Variants in FGGY observed in about 807,000 individuals in gnomAD.
The protein encoded by FGGY is FGGY carbohydrate kinase domain-containing protein.
In FGGY, 72 loss-of-function variants were observed where a neutral mutation model predicts 71.3. The ratio of observed to expected loss-of-function variants is 1.01; its 90% CI spans 0.84 to 1.23. The LOEUF is 1.23. Among genes scored for constraint, FGGY ranks in the 50% most tolerant of loss-of-function variants. FGGY has a pLI of 0.00. For synonymous variants in FGGY, 251 were observed against 250.3 expected, an observed-to-expected ratio of 1.00 and a Z score of -0.02; for missense variants, 668 against 682.3, an observed-to-expected ratio of 0.98 and a Z score of 0.23.
intron 8 of FGGY, among the ~76,000 whole-genome samples, chr1:59,588,601 C>T (rs977161232): frequency 3.9e-5 from 6 of 152,156 alleles, no homozygotes; most frequent in African/African-American, 1.4e-4. Flanking sequence ...TTGGCAGAAA[C>T]CCTACAAGCC....
At chr1:59,540,761 G>A (rs183635357) in intron 7 of FGGY, among the ~76,000 whole-genome samples, 17 of 152,334 alleles carry the variant, frequency 1.1e-4, no homozygotes, top group Admixed American at 1.0e-3. Context: ...AAATAACCTG[G>A]CTCTGAAGAA....
At chr1:59,563,785 A>G (rs1233551347) in intron 8 of FGGY, among the ~76,000 whole-genome samples, 1 of 152,358 alleles carries the variant, frequency 6.6e-6, no homozygotes, top group African/African-American at 2.4e-5. Context: ...CCCTGACTTC[A>G]AACTCTACTA....
chr1:59,762,119 G>A (rs1031155481), intron 15 of FGGY, among the ~76,000 whole-genome samples: 7 of 150,062 alleles, frequency 4.7e-5, no homozygotes, highest in African/African-American at 1.7e-4. Context: ...AGGCTGGAGC[G>A]AAGTGGTGCA....
At chr1:59,373,147 G>A (rs867107167) in intron 4 of FGGY, among the ~76,000 whole-genome samples, 3,676 of 151,176 alleles carry the variant, frequency 0.024, 169 homozygotes, top group African/African-American at 0.086. Context: ...ACATGATTGT[G>A]TATCTAGAAA....
chr1:59,402,869 G>A (rs1399096084), intron 5 of FGGY, among the ~76,000 whole-genome samples: 1 of 152,146 alleles, frequency 6.6e-6, no homozygotes, highest in Admixed American at 6.6e-5. Flanking sequence ...TCTTAGTAGA[G>A]CTCTGGAGTA....
chr1:59,721,560 A>G (rs546869415), intron 14 of FGGY, among the ~76,000 whole-genome samples: 3 of 151,556 alleles, frequency 2.0e-5, no homozygotes, highest in East Asian at 1.9e-4. Flanking sequence ...CTGGTCTCGA[A>G]CTCCTGACCT....
At chr1:59,306,666 A>G (rs1452303404) in intron 1 of FGGY, among the ~76,000 whole-genome samples, 1 of 152,186 alleles carries the variant, frequency 6.6e-6, no homozygotes, top group Non-Finnish European at 1.5e-5. Context: ...AAACCCAACT[A>G]GAAGACAGAG....
intron 8 of FGGY, among the ~76,000 whole-genome samples, chr1:59,573,564 T>C (rs925976492): frequency 1.2e-4 from 18 of 152,196 alleles, no homozygotes; most frequent in African/African-American, 4.1e-4. Flanking sequence ...GTGAATATTA[T>C]ACAATAATTC....
At chr1:59,610,272 C>G (rs116492510) in intron 9 of FGGY, among the ~76,000 whole-genome samples, 2 of 152,024 alleles carry the variant, frequency 1.3e-5, no homozygotes, top group African/African-American at 4.8e-5. Flanking sequence ...TGTGTTGTCC[C>G]CCTCTCTGTG....
intron 10 of FGGY, among the ~76,000 whole-genome samples, chr1:59,627,479 TATATATATATAC>T (rs1283273043): frequency 5.7e-4 from 76 of 132,536 alleles, no homozygotes; most frequent in Middle Eastern, 3.8e-3. Context: ...TATATATATA[TATATATATATAC>T]ACACACACAC....
At chr1:59,618,150 T>C (rs1268069698) in intron 9 of FGGY, among the ~76,000 whole-genome samples, 1 of 152,090 alleles carries the variant, frequency 6.6e-6, no homozygotes, top group Non-Finnish European at 1.5e-5. Context: ...ATAAGAAAGT[T>C]GGATACAGAA....
chr1:59,553,556 G>A (rs1167338851), intron 7 of FGGY, among the ~76,000 whole-genome samples: 2 of 152,148 alleles, frequency 1.3e-5, no homozygotes, highest in Non-Finnish European at 2.9e-5. Flanking sequence ...TTGGAGTTCT[G>A]CGATAAGTAG....
At chr1:59,678,770 A>G (rs2097462379) in intron 14 of FGGY, among the ~76,000 whole-genome samples, 1 of 152,218 alleles carries the variant, frequency 6.6e-6, no homozygotes, top group Non-Finnish European at 1.5e-5. Context: ...CCACCCTTGA[A>G]AAAAAGGAGT....
chr1:59,433,796 C>G (rs945083259), intron 5 of FGGY, among the ~76,000 whole-genome samples: 1 of 152,134 alleles, frequency 6.6e-6, no homozygotes, highest in Non-Finnish European at 1.5e-5. Flanking sequence ...GTGTAGGTTA[C>G]GTTACCCACG....
At chr1:59,422,653 C>T (rs527992839) in intron 5 of FGGY, among the ~76,000 whole-genome samples, 5 of 150,658 alleles carry the variant, frequency 3.3e-5, no homozygotes, top group East Asian at 1.9e-4. Context: ...TGTGATCATG[C>T]GCTGCACTCC....
intron 8 of FGGY, among the ~76,000 whole-genome samples, chr1:59,556,905 C>T (rs987972228): frequency 1.3e-5 from 2 of 152,148 alleles, no homozygotes; most frequent in African/African-American, 4.8e-5. Flanking sequence ...CATAAAAGGC[C>T]AGTTTATGAT....
chr1:59,470,653 C>T (rs1426650342), intron 6 of FGGY, among the ~76,000 whole-genome samples: 1 of 152,186 alleles, frequency 6.6e-6, no homozygotes, highest in East Asian at 1.9e-4. Flanking sequence ...GTAAACAAAC[C>T]ATAGAGGTTT....
At chr1:59,374,261 C>G (rs906830070) in intron 4 of FGGY, among the ~76,000 whole-genome samples, 2 of 152,188 alleles carry the variant, frequency 1.3e-5, no homozygotes, top group Admixed American at 1.3e-4. Context: ...ACAGACACTT[C>G]TCAAAAGAAG....
intron 8 of FGGY, among the ~76,000 whole-genome samples, chr1:59,583,600 G>C (rs1378500962): frequency 1.4e-5 from 2 of 142,202 alleles, no homozygotes; most frequent in Admixed American, 6.9e-5. Flanking sequence ...TGCGCATGGA[G>C]GAAGCTTCAT....
Sources: gnomAD v4.1 joint callset for allele counts (sites outside exome capture counted in the v4.1 genomes callset) on GRCh38, gnomAD v4.1.1 for gene constraint, MANE v1.5 for transcripts, NCBI Gene and HGNC (gene_info 2026-07-23, HGNC 2026-07-21) for gene names.